WDR64: variants seen among roughly 807,000 people sequenced by gnomAD.
WDR64 encodes the protein WD repeat domain 64.
WDR64 carries 112 observed loss-of-function variants against 139.3 expected under a neutral mutation model. That is an observed-to-expected ratio of 0.80 (90% confidence interval 0.69 to 0.94). The LOEUF (loss-of-function observed/expected upper bound fraction) is 0.94. Among genes scored for constraint, WDR64 ranks in the 40% least tolerant of loss-of-function variants. WDR64 has a pLI of 0.00. For synonymous variants in WDR64, 444 were observed against 437.7 expected (o/e 1.01, Z -0.18); for missense variants, 1,206 against 1,293.1 (o/e 0.93, Z 1.03).
At position 241,788,027 on chromosome 1, in the gene WDR64, C is replaced by T. The variant is rs12074374; in HGVS notation, c.2884C>T (p.Arg962Trp). The T allele has an allele frequency of 0.15, 238,443 of 1,582,974 alleles. 20,034 individuals are homozygous for T. The highest frequency in any genetic ancestry group is 0.21 in the African/African-American group (15,673 of 73,126). ...ATATGAATATCCTCTGATATTTGAC[C>T]GGGAAAAGTAAGACCATTAGCTCTT... ...QKYEYPLIFD[R>W]EKWRKMSSVS... is the part of the protein sequence containing the mutation. Residue 962 changes from arginine (R) to tryptophan (W), a missense_variant, in exon 24 of 28, where the codon CGG becomes TGG. Transcript: ENST00000437684.
intron 9 of WDR64, among the ~76,000 whole-genome samples, chr1:241,717,333 G>A (rs1668440215): frequency 6.6e-6 from 1 of 152,012 alleles, no homozygotes; most frequent in South Asian, 2.1e-4. Context: ...TGAGGAAATC[G>A]AGACCCCAGA....
At chr1:241,682,076 T>C (rs2148106733) in intron 6 of WDR64, among the ~76,000 whole-genome samples, 1 of 152,316 alleles carries the variant, frequency 6.6e-6, no homozygotes, top group South Asian at 2.1e-4. Context: ...ACTCTGTGGG[T>C]TGTCTGTTTA....
chr1:241,737,890 G>C (rs945582719), intron 10 of WDR64, among the ~76,000 whole-genome samples: 2 of 152,056 alleles, frequency 1.3e-5, no homozygotes, highest in Admixed American at 1.3e-4. Flanking sequence ...TACATATCTG[G>C]GCAAATGGAG....
chr1:241,779,710 A>T (rs1658780650), intron 21 of WDR64, among the ~76,000 whole-genome samples: 1 of 151,942 alleles, frequency 6.6e-6, no homozygotes, highest in Non-Finnish European at 1.5e-5. Flanking sequence ...GGCACCTGTA[A>T]TCCCAGCTAC....
intron 3 of WDR64, among the ~76,000 whole-genome samples, chr1:241,671,508 T>C (rs756020309): frequency 4.6e-5 from 7 of 152,260 alleles, no homozygotes; most frequent in Admixed American, 1.3e-4. Context: ...AAGTCATGTT[T>C]CTTTTAAACT....
At chr1:241,724,933 G>A (rs1353821084) in intron 10 of WDR64, among the ~76,000 whole-genome samples, 1 of 151,988 alleles carries the variant, frequency 6.6e-6, no homozygotes, top group East Asian at 1.9e-4. Context: ...ACTTACACAA[G>A]GTCACAGAGC....
intron 12 of WDR64, among the ~76,000 whole-genome samples, chr1:241,743,985 A>G (rs976021243): frequency 3.3e-5 from 5 of 152,114 alleles, no homozygotes; most frequent in African/African-American, 4.8e-5. Context: ...GTCCCATGCT[A>G]TTAACCACAG....
At chr1:241,676,152 G>A (rs981570938) in intron 4 of WDR64, 2 of 152,248 alleles carry the variant, frequency 1.3e-5, no homozygotes, top group Admixed American at 6.5e-5. Flanking sequence ...TCTGTCAGAG[G>A]AGGGGGCTGT....
At chr1:241,749,976 G>A (rs534500259) in intron 14 of WDR64, among the ~76,000 whole-genome samples, 2 of 152,254 alleles carry the variant, frequency 1.3e-5, no homozygotes, top group South Asian at 2.1e-4. Context: ...TCCTAAGGCA[G>A]GTGTCAGGAA....
chr1:241,783,108 C>A (rs572324516), intron 22 of WDR64, among the ~76,000 whole-genome samples, 164 bp from the exon 23 acceptor site: 2 of 152,322 alleles, frequency 1.3e-5, no homozygotes, highest in South Asian at 4.1e-4. Context: ...TGTACCCCAA[C>A]AAGCAAGAGA....
intron 27 of WDR64, among the ~76,000 whole-genome samples, chr1:241,798,231 C>T (rs904634248): frequency 1.6e-4 from 24 of 152,176 alleles, no homozygotes; most frequent in African/African-American, 5.8e-4. Context: ...TCGATCACAC[C>T]AGAAAGACAA....
intron 10 of WDR64, among the ~76,000 whole-genome samples, chr1:241,723,794 CAAAAA>C (rs10718281): frequency 2.0e-5 from 3 of 151,328 alleles, no homozygotes; most frequent in Non-Finnish European, 4.4e-5. Context: ...TGTAATAAAA[CAAAAA>C]AAAAGTTATA....
intron 13 of WDR64, among the ~76,000 whole-genome samples, chr1:241,748,231 G>A (rs1458161307): frequency 6.6e-6 from 1 of 152,234 alleles, no homozygotes; most frequent in Non-Finnish European, 1.5e-5. Context: ...TCTACCTCTT[G>A]AGGGGAGATA....
rs766147705 is a variant in WDR64, at chr1:241,788,039, G to C, written c.2891+5G>C. On this transcript the variant is annotated splice_donor_5th_base_variant and intron_variant, in intron 24 of 27. Coordinates refer to ENST00000437684, the MANE Select transcript of WDR64 (RefSeq NM_001367482.1). ...TCTGATATTTGACCGGGAAAAGTAA[G>C]ACCATTAGCTCTTCTTTAGATAAGC... The C allele has an allele frequency of 1.9e-6, 3 of 1,576,790 alleles. No individual in the cohort carries two copies. Among genetic ancestry groups the C allele is most frequent in the Non-Finnish European group, 2.6e-6 (3 of 1,165,286 alleles).
In WDR64 at chr1:241,792,610, A is replaced by G. The variant is rs79386513; in HGVS notation, c.2997+1914A>G. 3.7e-4 allele frequency among the ~76,000 whole-genome samples: 57 copies of G among 152,276 alleles called. 1 individual carries two copies. The East Asian group carries it at 0.01, about 28-fold the overall frequency. ...TATACAGGATATGGAAAGAACTCCT[A>G]AAATCAGTGAGGAAAAAAGAGACGA... On this transcript the variant is annotated intron_variant, in intron 25 of 27. Coordinates refer to ENST00000437684, the MANE Select transcript of WDR64 (RefSeq NM_001367482.1).
chr1:241,695,450 C>A (rs1247209548), intron 8 of WDR64, among the ~76,000 whole-genome samples: 1 of 152,138 alleles, frequency 6.6e-6, no homozygotes, highest in Non-Finnish European at 1.5e-5. Flanking sequence ...TCCCTGGCTG[C>A]AGCTGAATAT....
intron 14 of WDR64, among the ~76,000 whole-genome samples, chr1:241,750,009 C>T (rs1042668115): frequency 6.6e-6 from 1 of 152,286 alleles, no homozygotes; most frequent in Non-Finnish European, 1.5e-5. Flanking sequence ...ACTCAGCTGC[C>T]ACCTCTGACA....
chr1:241,713,841 A>G (rs1668293446), intron 9 of WDR64, among the ~76,000 whole-genome samples: 1 of 152,236 alleles, frequency 6.6e-6, no homozygotes, highest in Admixed American at 6.5e-5. Context: ...TTAATTATTC[A>G]TAAGACTTGG....
Position 241,664,650 on chromosome 1 carries a change from C to T in WDR64, c.276+3990C>T, listed in dbSNP as rs60649387. On this transcript the variant is annotated intron_variant, in intron 2 of 27. Transcript: ENST00000437684. ...TTGTCTCTGACATCTGCTCCTCTTT[C>T]CCTTTCTAGCTAGAACATCATAATC... Among the ~76,000 whole-genome samples the T allele has an allele frequency of 9.7e-3, 1,471 of 151,848 alleles. 20 individuals carry two copies. The highest frequency in any genetic ancestry group is 0.034 in the African/African-American group (1,406 of 41,420).
Sources: allele counts gnomAD v4.1 joint callset (sites outside exome capture counted in the v4.1 genomes callset), GRCh38; gene constraint gnomAD v4.1.1; transcripts MANE v1.5; gene names NCBI Gene and HGNC (gene_info 2026-07-23, HGNC 2026-07-21).